XIRP2: variants seen among roughly 807,000 people sequenced by gnomAD.
XIRP2 encodes xin actin-binding repeat-containing protein 2.
In XIRP2, 236 loss-of-function variants were observed where a neutral mutation model predicts 277.0. That is an observed-to-expected ratio of 0.85 (90% CI 0.77 to 0.95). XIRP2 has a LOEUF of 0.95. Among genes scored for constraint, XIRP2 ranks in the 40% least tolerant of loss-of-function variants. XIRP2 has a pLI of 0.00. For synonymous variants in XIRP2, 1,490 were observed against 1,416.5 expected, an observed-to-expected ratio of 1.05 and a Z score of -1.17; for missense variants, 4,640 against 4,157.5, an observed-to-expected ratio of 1.12 and a Z score of -3.19.
intron 2 of XIRP2, among the ~76,000 whole-genome samples, chr2:167,115,891 A>T (rs1690884668): frequency 1.3e-5 from 2 of 152,154 alleles, no homozygotes; most frequent in Admixed American, 6.6e-5. Flanking sequence ...TTTTTGATCC[A>T]TGGATTGTTT....
At chr2:167,099,913 G>A (rs1690442479) in intron 2 of XIRP2, among the ~76,000 whole-genome samples, 1 of 152,070 alleles carries the variant, frequency 6.6e-6, no homozygotes, top group African/African-American at 2.4e-5. Context: ...CTTCTGCATT[G>A]ATCTCTCTGG....
chr2:166,924,103 A>G (rs1283285455), intron 2 of XIRP2, among the ~76,000 whole-genome samples: 1 of 152,118 alleles, frequency 6.6e-6, no homozygotes, highest in Non-Finnish European at 1.5e-5. Flanking sequence ...ATAGTTGAGT[A>G]TCTTCCTTTG....
intron 2 of XIRP2, among the ~76,000 whole-genome samples, chr2:167,031,008 G>A (rs1305320463): frequency 1.4e-5 from 2 of 142,258 alleles, no homozygotes; most frequent in African/African-American, 5.5e-5. Flanking sequence ...GATTAGGATT[G>A]CAAGCTTTGC....
intron 2 of XIRP2, among the ~76,000 whole-genome samples, chr2:166,938,866 T>C (rs1685604772): frequency 6.6e-6 from 1 of 152,206 alleles, no homozygotes; most frequent in Admixed American, 6.5e-5. Flanking sequence ...TTGTCTCTTT[T>C]GATCTTTGTT....
intron 2 of XIRP2, among the ~76,000 whole-genome samples, chr2:167,050,335 G>T (rs939846340): frequency 6.6e-6 from 1 of 151,852 alleles, no homozygotes. Context: ...TGGTTATATC[G>T]GATTTAAATG....
intron 2 of XIRP2, among the ~76,000 whole-genome samples, chr2:167,010,843 G>C (rs376379836): frequency 0.035 from 5,375 of 152,000 alleles, 115 homozygotes; most frequent in East Asian, 0.077. Flanking sequence ...TTGTGAATGG[G>C]AGTTCACTCA....
At chr2:167,228,328 C>T (rs1199329512) in intron 5 of XIRP2, among the ~76,000 whole-genome samples, 3 of 152,142 alleles carry the variant, frequency 2.0e-5, no homozygotes, top group African/African-American at 4.8e-5. Context: ...TCCTGCAGAA[C>T]CTATTGGTAT....
At chr2:166,982,220 A>G (rs752590655) in intron 2 of XIRP2, among the ~76,000 whole-genome samples, 3 of 151,452 alleles carry the variant, frequency 2.0e-5, no homozygotes, top group Non-Finnish European at 2.9e-5. Flanking sequence ...CATAACTTCA[A>G]TTGTTCTTCC....
chr2:167,151,276 G>T (rs549577541), intron 3 of XIRP2, among the ~76,000 whole-genome samples: 1 of 152,160 alleles, frequency 6.6e-6, no homozygotes, highest in African/African-American at 2.4e-5. Context: ...GCATACAGAA[G>T]GCTTTTATTA....
intron 2 of XIRP2, among the ~76,000 whole-genome samples, chr2:167,012,894 G>A (rs906959611): frequency 6.6e-5 from 10 of 151,180 alleles, no homozygotes; most frequent in African/African-American, 1.5e-4. Context: ...ATTCTCCAGC[G>A]TTTTGTTATT....
chr2:166,925,594 TAC>T (rs1405604403), intron 2 of XIRP2, among the ~76,000 whole-genome samples: 1,976 of 54,998 alleles, frequency 0.036, 37 homozygotes, highest in African/African-American at 0.11. Flanking sequence ...TATGTGTATA[TAC>T]ATATATATAT....
At chr2:167,196,591 T>C (rs1693525942) in intron 3 of XIRP2, among the ~76,000 whole-genome samples, 1 of 152,140 alleles carries the variant, frequency 6.6e-6, no homozygotes, top group Admixed American at 6.5e-5. Context: ...TGAGGCTTTC[T>C]GTAACGGCAA....
At chr2:167,009,925 T>C (rs1239915393) in intron 2 of XIRP2, among the ~76,000 whole-genome samples, 3 of 152,158 alleles carry the variant, frequency 2.0e-5, no homozygotes, top group Admixed American at 2.0e-4. Context: ...TGTTTTTTTC[T>C]TGTAAATTTG....
rs537427618 is a variant in XIRP2 at position 167,248,353 on chromosome 2, G to A, written c.6961G>A (p.Glu2321Lys). 8 of 1,613,254 alleles carry A rather than the reference G, an allele frequency of 5.0e-6. No homozygotes were observed. In the Admixed American group the frequency reaches 5.0e-5, roughly 10 times the overall value. ...PPPPPLMMFP[E>K]KNGFLPSLST... ...TCCACCTCCTTTGATGATGTTTCCT[G>A]AAAAAAATGGGTTTCTTCCCTCACT... Residue 2321 changes from glutamate (E) to lysine (K), a missense_variant, in exon 9 of 11, where the codon GAA (glutamate) becomes AAA (lysine). Physicochemically the swap from Glu to Lys is moderately conservative, Grantham distance 56. Coordinates refer to ENST00000409195, the MANE Select transcript of XIRP2 (RefSeq NM_152381.6).
intron 2 of XIRP2, among the ~76,000 whole-genome samples, chr2:167,100,623 A>G (rs1419709464): frequency 6.6e-6 from 1 of 152,218 alleles, no homozygotes; most frequent in Non-Finnish European, 1.5e-5. Flanking sequence ...ACCTGGGACT[A>G]AGCATATGTT....
At chr2:167,108,568 T>A (rs933459375) in intron 2 of XIRP2, among the ~76,000 whole-genome samples, 27 of 152,106 alleles carry the variant, frequency 1.8e-4, no homozygotes, top group South Asian at 8.3e-4. Flanking sequence ...ATGTATTTTT[T>A]AAAGATTTTT....
At chr2:166,901,915 G>A (rs1057087668) in intron 1 of XIRP2, among the ~76,000 whole-genome samples, 1 of 152,044 alleles carries the variant, frequency 6.6e-6, no homozygotes, top group Non-Finnish European at 1.5e-5. Context: ...GCATCTAGGA[G>A]GCTGAGGTAT....
intron 3 of XIRP2, among the ~76,000 whole-genome samples, chr2:167,157,629 T>C (rs1051818732): frequency 6.6e-6 from 1 of 152,134 alleles, no homozygotes; most frequent in African/African-American, 2.4e-5. Flanking sequence ...TCATTACTTT[T>C]AGCAAAAGTA....
rs774760014 is a variant in XIRP2, at chr2:167,241,859, A to G, written c.1125A>G (p.Glu375=). Residue 375 remains glutamate, a synonymous_variant, in exon 8 of 11, where the codon GAA becomes GAG. Transcript: ENST00000409195. ...AGCAGTTTGAAAAGTCTGCCCAGGA[A>G]AAGATCCTTTATTCTGACAAAGAGA... ...LKEQFEKSAQ[E]KILYSDKEMT... 1.7e-5 allele frequency: 27 copies of G among 1,613,576 alleles called. No homozygotes were observed. The African/African-American group carries it at 2.4e-4, about 14-fold the overall frequency.
Sources: gnomAD v4.1 joint callset for allele counts (sites outside exome capture counted in the v4.1 genomes callset) on GRCh38, gnomAD v4.1.1 for gene constraint, MANE v1.5 for transcripts, NCBI Gene and HGNC (gene_info 2026-07-23, HGNC 2026-07-21) for gene names.